Variants in OLFML1 observed in about 807,000 individuals in gnomAD.
The protein encoded by OLFML1 is olfactomedin like 1, also known as olfactomedin-like protein 1.
Under a neutral mutation model 37.3 loss-of-function variants are expected in OLFML1, and 33 were observed. The observed-to-expected ratio is 0.88, with a 90% CI of 0.67 to 1.18. The LOEUF (loss-of-function observed/expected upper bound fraction) is 1.18, where lower values mean the gene tolerates loss of function less well. Ranked by LOEUF, OLFML1 falls within the 50% of genes most tolerant of loss-of-function variation. OLFML1 has a pLI of 0.00. For missense variants in OLFML1, 545 were observed against 483.7 expected, an observed-to-expected ratio of 1.13 and a Z score of -1.19; for synonymous variants, 186 against 181.3, an observed-to-expected ratio of 1.03 and a Z score of -0.21.
At chr11:7,495,236 A>G (rs1238353760) in intron 2 of OLFML1, among the ~76,000 whole-genome samples, 1 of 151,982 alleles carries the variant, frequency 6.6e-6, no homozygotes, top group Non-Finnish European at 1.5e-5. Context: ...TCCCTGTTTC[A>G]GGGCTTTATC....
At chr11:7,492,114 G>C (rs527912792) in intron 2 of OLFML1, among the ~76,000 whole-genome samples, 1 of 152,308 alleles carries the variant, frequency 6.6e-6, no homozygotes, top group South Asian at 2.1e-4. Context: ...TGTACACCAG[G>C]GGGTAAAAAT....
intron 2 of OLFML1, among the ~76,000 whole-genome samples, chr11:7,501,857 T>G (rs894318463): frequency 6.6e-6 from 1 of 152,168 alleles, no homozygotes; most frequent in Non-Finnish European, 1.5e-5. Flanking sequence ...CAACAGATAT[T>G]TATGAACCCC....
At chr11:7,492,206 A>G (rs531631452) in intron 2 of OLFML1, among the ~76,000 whole-genome samples, 3,686 of 152,258 alleles carry the variant, frequency 0.024, 137 homozygotes, top group African/African-American at 0.083. Flanking sequence ...ACCTGCACCC[A>G]CCTTCTTCCT....
chr11:7,486,135 T>C (rs1245547314), intron 1 of OLFML1, 131 bp downstream of exon 1: 4 of 889,238 alleles, frequency 4.5e-6, no homozygotes, highest in Non-Finnish European at 6.9e-6. Context: ...AGTTACACTT[T>C]AAAATGCTCA....
intron 2 of OLFML1, among the ~76,000 whole-genome samples, chr11:7,494,766 TA>T (rs1848640831): frequency 6.6e-6 from 1 of 152,178 alleles, no homozygotes; most frequent in South Asian, 2.1e-4. Flanking sequence ...GCACATGAGG[TA>T]GGAGCCTTCT....
rs1848512890 is a variant in OLFML1 at position 7,485,773 on chromosome 11, T to C, written c.-103T>C. ...GTGCAAAACGCTGTTTTTAGAGGAT[T>C]TGCCACAGCAGCGGATAGAGCAGGA... On this transcript the variant is annotated 5_prime_UTR_variant, in exon 1 of 3. Coordinates refer to ENST00000329293, the MANE Select transcript of OLFML1 (RefSeq NM_198474.4). 8.2e-7 allele frequency: 1 copy of C among 1,224,692 alleles called. No individual in the cohort carries two copies. Among genetic ancestry groups the C allele is most frequent in the African/African-American group, 1.5e-5 (1 of 66,244 alleles). The allele number at this position is 1,224,692 out of a possible 1,614,324, so 75.9% of individuals were successfully genotyped here. A position where few individuals can be genotyped will look rare whatever the true frequency, so the allele number is the denominator to read the frequency against.
At chr11:7,492,824 C>T (rs1055197240) in intron 2 of OLFML1, among the ~76,000 whole-genome samples, 8 of 152,268 alleles carry the variant, frequency 5.3e-5, no homozygotes, top group African/African-American at 1.4e-4. Context: ...TATAATCTAA[C>T]TTATATTTTA....
At chr11:7,492,670 T>C (rs925630883) in intron 2 of OLFML1, among the ~76,000 whole-genome samples, 1 of 152,188 alleles carries the variant, frequency 6.6e-6, no homozygotes, top group African/African-American at 2.4e-5. Flanking sequence ...ACATGAGGGT[T>C]TCAACTCAGG....
In OLFML1 at chr11:7,509,707, A is replaced by G. The variant is rs762083607; in HGVS notation, c.728A>G (p.Lys243Arg). The change falls in exon 3 of 3, where the codon AAG (lysine) becomes AGG (arginine). Residue 243 changes from lysine (K) to arginine (R), a missense_variant. Lys to Arg is a conservative substitution (Grantham distance 26). Transcript: ENST00000329293. ...GAGATAATCAAATATAACCTGCAGA[A>G]GAGGACTGTGGAAGATCGAATGCTG... is the stretch of plus-strand genomic sequence containing the variant. ...SNEIIKYNLQ[K>R]RTVEDRMLLP... 3 of 1,614,266 alleles carry G rather than the reference A, an allele frequency of 1.9e-6. No homozygotes were observed. Among genetic ancestry groups the G allele is most frequent in the Non-Finnish European group, 2.5e-6 (3 of 1,180,042 alleles).
chr11:7,493,876 A>G (rs955519075), intron 2 of OLFML1, among the ~76,000 whole-genome samples: 2 of 150,430 alleles, frequency 1.3e-5, no homozygotes, highest in Non-Finnish European at 3.0e-5. Flanking sequence ...GCCAGGCATT[A>G]GAGATAGAAT....
In OLFML1 at chr11:7,509,859, C is replaced by T. The variant is rs1354043952; in HGVS notation, c.880C>T (p.Leu294Phe). ...GCCAGGCACCCATAGCCATTTGGTTCTCACAAAGATTGAGCCGGGCACACT... is the reference window on the plus strand; with the variant it reads ...GCCAGGCACCCATAGCCATTTGGTTTTCACAAAGATTGAGCCGGGCACACT... The part of the protein sequence containing the change: ...SGPGTHSHLV[L>F]TKIEPGTLGV... The change falls in exon 3 of 3, where the codon CTC becomes TTC. Residue 294 changes from leucine (L) to phenylalanine (F), a missense_variant. Leu to Phe is a conservative substitution (Grantham distance 22, BLOSUM62 0). Coordinates refer to ENST00000329293, the MANE Select transcript of OLFML1 (RefSeq NM_198474.4). 1.9e-6 allele frequency: 3 copies of T among 1,614,224 alleles called. No individual in the cohort carries two copies. The highest frequency in any genetic ancestry group is 2.5e-6 in the Non-Finnish European group (3 of 1,180,032).
At chr11:7,490,930 G>A (rs368240423) in intron 2 of OLFML1, among the ~76,000 whole-genome samples, 2 of 151,872 alleles carry the variant, frequency 1.3e-5, no homozygotes, top group African/African-American at 2.4e-5. Context: ...ATGTATTTTC[G>A]TCATTTACCA....
In OLFML1 at chr11:7,510,624, T is replaced by C. The variant is rs1564924120; in HGVS notation, c.*436T>C. 1 of 156,064 alleles carries C rather than the reference T, an allele frequency of 6.4e-6. No individual in the cohort carries two copies. Among genetic ancestry groups the C allele is most frequent in the Non-Finnish European group, 1.4e-5 (1 of 70,632 alleles). 9.7% of individuals were successfully genotyped at this position (156,064 alleles called of 1,614,324 possible). A position where few individuals can be genotyped will look rare whatever the true frequency, so the allele number is the denominator to read the frequency against. On this transcript the variant is annotated 3_prime_UTR_variant, in exon 3 of 3. Coordinates refer to ENST00000329293, the MANE Select transcript of OLFML1 (RefSeq NM_198474.4). ...CTCTTTTTCAAATGTCTATTGATAT[T>C]CTCCCATTTTCACTGCCCAACTAAA...
At position 7,498,598 on chromosome 11, in the gene OLFML1, G is replaced by A. The variant is rs112708992; in HGVS notation, c.418+10183G>A. Among the ~76,000 whole-genome samples the A allele has an allele frequency of 8.6e-3, 1,309 of 152,280 alleles. 16 individuals carry two copies. The highest frequency in any genetic ancestry group is 0.03 in the African/African-American group (1,231 of 41,546). ...CATCTTTGTCATCTCAGTGCCTACCGTCCTACCTATCATCTGATTAGTATT... is the reference window on the plus strand; with the variant it reads ...CATCTTTGTCATCTCAGTGCCTACCATCCTACCTATCATCTGATTAGTATT... On this transcript the variant is annotated intron_variant, in intron 2 of 2. Transcript: ENST00000329293.
In OLFML1 at chr11:7,509,845, A is replaced by C; in HGVS notation, c.866A>C (p.His289Pro). Residue 289 changes from histidine to proline, a missense_variant, in exon 3 of 3, where the codon CAT becomes CCT. Coordinates refer to ENST00000329293, the MANE Select transcript of OLFML1 (RefSeq NM_198474.4). Reference protein sequence around the residue: ...LWAIHSGPGTHSHLVLTKIEP... With the variant: ...LWAIHSGPGTPSHLVLTKIEP... Reference sequence around the variant, plus strand: ...GCCATCCACTCTGGGCCAGGCACCCATAGCCATTTGGTTCTCACAAAGATT... The same window carrying C: ...GCCATCCACTCTGGGCCAGGCACCCCTAGCCATTTGGTTCTCACAAAGATT... 1 of 1,614,202 alleles carries C rather than the reference A, an allele frequency of 6.2e-7. No individual in the cohort carries two copies. Among genetic ancestry groups the C allele is most frequent in the East Asian group, 2.2e-5 (1 of 44,882 alleles).
intron 2 of OLFML1, among the ~76,000 whole-genome samples, chr11:7,505,157 C>T (rs1848771615): frequency 6.6e-6 from 1 of 150,444 alleles, no homozygotes; most frequent in Non-Finnish European, 1.5e-5. Flanking sequence ...TGGTCTTGAA[C>T]TCCTGAGATC....
chr11:7,493,424 A>G (rs1848623779), intron 2 of OLFML1, among the ~76,000 whole-genome samples: 2 of 152,252 alleles, frequency 1.3e-5, no homozygotes, highest in South Asian at 4.1e-4. Flanking sequence ...GGAACAAAAT[A>G]TTAAAAGAGG....
intron 2 of OLFML1, among the ~76,000 whole-genome samples, chr11:7,500,400 C>T (rs1848705936): frequency 6.6e-6 from 1 of 152,194 alleles, no homozygotes; most frequent in Non-Finnish European, 1.5e-5. Flanking sequence ...CCCTTCTGCA[C>T]ACCCAGATCC....
chr11:7,502,037 A>G (rs547730190), intron 2 of OLFML1, among the ~76,000 whole-genome samples: 19 of 152,260 alleles, frequency 1.2e-4, no homozygotes, highest in Non-Finnish European at 2.5e-4. Flanking sequence ...GCTAGAGTAG[A>G]TAATTTTCGG....
Sources: allele counts gnomAD v4.1 joint callset (sites outside exome capture counted in the v4.1 genomes callset), GRCh38; gene constraint gnomAD v4.1.1; transcripts MANE v1.5; gene names NCBI Gene and HGNC (gene_info 2026-07-23, HGNC 2026-07-21).